EIF4EBP1: variants seen among roughly 807,000 people sequenced by gnomAD.
EIF4EBP1 encodes eukaryotic translation initiation factor 4E-binding protein 1.
A neutral mutation model predicts 9.2 loss-of-function variants in EIF4EBP1; 5 were observed. The ratio of observed to expected loss-of-function variants is 0.54; its 90% CI spans 0.28 to 1.14. The LOEUF (loss-of-function observed/expected upper bound fraction) is 1.14. Ranked by LOEUF, EIF4EBP1 falls within the 50% of genes most tolerant of loss-of-function variation. The pLI is 0.09. For missense variants in EIF4EBP1, 139 were observed against 169.6 expected (o/e 0.82, Z 1.00); for synonymous variants, 62 against 67.0 (o/e 0.93, Z 0.36).
At chr8:38,056,490 G>A (rs1809595978) in intron 1 of EIF4EBP1, among the ~76,000 whole-genome samples, 1 of 152,104 alleles carries the variant, frequency 6.6e-6, no homozygotes. Context: ...GTGAGCTGAG[G>A]GGCTATAGGG....
At chr8:38,032,344 C>T (rs1809237077) in intron 1 of EIF4EBP1, among the ~76,000 whole-genome samples, 1 of 152,096 alleles carries the variant, frequency 6.6e-6, no homozygotes, top group African/African-American at 2.4e-5. Context: ...GAGACTCCAT[C>T]TCTACAAAGA....
intron 1 of EIF4EBP1, among the ~76,000 whole-genome samples, chr8:38,048,692 T>C (rs1009912188): frequency 2.0e-5 from 3 of 152,036 alleles, no homozygotes; most frequent in Non-Finnish European, 2.9e-5. Flanking sequence ...AATGTCTCTA[T>C]GGCCAGGTGC....
At chr8:38,047,486 G>GC (rs1809462237) in intron 1 of EIF4EBP1, 1 of 60,908 alleles carries the variant, frequency 1.6e-5, no homozygotes, top group Admixed American at 1.8e-4. Flanking sequence ...TTTGGGTTTT[G>GC]TTTTTTTTTT....
At chr8:38,045,436 CTTTA>C (rs1809436821) in intron 1 of EIF4EBP1, among the ~76,000 whole-genome samples, 1 of 151,640 alleles carries the variant, frequency 6.6e-6, no homozygotes, top group Non-Finnish European at 1.5e-5. Context: ...GTCTCTATGG[CTTTA>C]TTTATTGTAA....
intron 1 of EIF4EBP1, among the ~76,000 whole-genome samples, chr8:38,040,861 C>T (rs1295728018): frequency 6.7e-6 from 1 of 149,772 alleles, no homozygotes; most frequent in Non-Finnish European, 1.5e-5. Flanking sequence ...AGGGGAAATA[C>T]ATGCCTGTTG....
intron 1 of EIF4EBP1, among the ~76,000 whole-genome samples, chr8:38,055,540 T>C (rs566561093): frequency 6.6e-6 from 1 of 152,130 alleles, no homozygotes; most frequent in African/African-American, 2.4e-5. Flanking sequence ...TGTACAGATA[T>C]TTAATATTTC....
intron 1 of EIF4EBP1, among the ~76,000 whole-genome samples, chr8:38,041,080 G>A (rs1468991061): frequency 1.3e-5 from 2 of 151,788 alleles, no homozygotes; most frequent in South Asian, 2.1e-4. Context: ...GATTACAGGC[G>A]TGAGCCATCG....
chr8:38,044,923 G>A (rs1452770167), intron 1 of EIF4EBP1, among the ~76,000 whole-genome samples: 3 of 152,162 alleles, frequency 2.0e-5, no homozygotes, highest in Admixed American at 1.3e-4. Flanking sequence ...CGGAGGGGAT[G>A]ACAGATGGCA....
intron 1 of EIF4EBP1, among the ~76,000 whole-genome samples, chr8:38,038,286 ATCACGAGG>A (rs895937234): frequency 6.6e-6 from 1 of 151,524 alleles, no homozygotes; most frequent in Admixed American, 6.6e-5. Context: ...AGGTGGGTGG[ATCACGAGG>A]TCAAGAGATA....
At chr8:38,053,602 A>G (rs1453334087) in intron 1 of EIF4EBP1, among the ~76,000 whole-genome samples, 5 of 152,226 alleles carry the variant, frequency 3.3e-5, no homozygotes, top group African/African-American at 4.8e-5. Context: ...TTGTATTCCC[A>G]TGTTCATAGC....
intron 1 of EIF4EBP1, among the ~76,000 whole-genome samples, chr8:38,034,006 A>G (rs2130378046): frequency 6.6e-6 from 1 of 152,124 alleles, no homozygotes; most frequent in Non-Finnish European, 1.5e-5. Flanking sequence ...TTGGCCTCCC[A>G]AAGTACTGGG....
chr8:38,031,345 T>G (rs1001415846), intron 1 of EIF4EBP1, among the ~76,000 whole-genome samples: 1 of 151,704 alleles, frequency 6.6e-6, no homozygotes, highest in Non-Finnish European at 1.5e-5. Context: ...CGTTCTTCTG[T>G]CCGGGGAGAG....
intron 2 of EIF4EBP1, among the ~76,000 whole-genome samples, chr8:38,058,398 C>T (rs1428478100): frequency 1.3e-5 from 2 of 152,136 alleles, no homozygotes; most frequent in Non-Finnish European, 2.9e-5. Context: ...AACTAGCCCA[C>T]TCCTGTGGTA....
chr8:38,055,866 C>T (rs1232363743), intron 1 of EIF4EBP1, among the ~76,000 whole-genome samples: 2 of 151,942 alleles, frequency 1.3e-5, no homozygotes, highest in East Asian at 1.9e-4. Context: ...CATGGTGGCA[C>T]GCACCTATAA....
chr8:38,036,091 C>T (rs1376790652), intron 1 of EIF4EBP1, among the ~76,000 whole-genome samples: 1 of 151,970 alleles, frequency 6.6e-6, no homozygotes, highest in African/African-American at 2.4e-5. Flanking sequence ...CTGCAGCATC[C>T]GCCTCCTGAG....
intron 1 of EIF4EBP1, among the ~76,000 whole-genome samples, chr8:38,052,677 C>T (rs1443514010): frequency 1.3e-5 from 2 of 151,584 alleles, no homozygotes. Context: ...GAGATCGCAC[C>T]ACTGCACTCC....
At chr8:38,032,509 T>C (rs921428590) in intron 1 of EIF4EBP1, among the ~76,000 whole-genome samples, 2 of 152,190 alleles carry the variant, frequency 1.3e-5, no homozygotes, top group East Asian at 1.9e-4. Flanking sequence ...CTAAAATAAA[T>C]AATAAATATA....
intron 1 of EIF4EBP1, among the ~76,000 whole-genome samples, chr8:38,050,631 AAGAC>A (rs1346886640): frequency 6.6e-6 from 1 of 151,772 alleles, no homozygotes; most frequent in Non-Finnish European, 1.5e-5. Flanking sequence ...TCTTTTTTGA[AAGAC>A]AGGGTCTCGC....
At chr8:38,058,121 C>G (rs1327647856) in intron 2 of EIF4EBP1, among the ~76,000 whole-genome samples, 1 of 152,172 alleles carries the variant, frequency 6.6e-6, no homozygotes, top group Non-Finnish European at 1.5e-5. Flanking sequence ...CCTTGGGAAC[C>G]TCACAGTACA....
Sources: allele counts gnomAD v4.1 joint callset (sites outside exome capture counted in the v4.1 genomes callset), GRCh38; gene constraint gnomAD v4.1.1; transcripts MANE v1.5; gene names NCBI Gene and HGNC (gene_info 2026-07-23, HGNC 2026-07-21).